Variants in XRRA1 observed in about 807,000 individuals in gnomAD.
XRRA1 encodes X-ray radiation resistance-associated protein 1.
A neutral mutation model predicts 80.2 loss-of-function variants in XRRA1; 69 were observed. That is an observed-to-expected ratio of 0.86 (90% CI 0.71 to 1.05). The LOEUF (loss-of-function observed/expected upper bound fraction) is 1.05, where lower values mean the gene tolerates loss of function less well. Among genes scored for constraint, XRRA1 ranks in the 50% least tolerant of loss-of-function variants. The probability of loss-of-function intolerance (pLI) is 0.00; values close to 1 mark genes in which losing one functional copy is unlikely to be tolerated. For synonymous variants in XRRA1, 348 were observed against 389.9 expected (o/e 0.89, Z 1.27); for missense variants, 967 against 976.4 (o/e 0.99, Z 0.13).
intron 10 of XRRA1, among the ~76,000 whole-genome samples, chr11:74,867,981 GTGCGATCT>G (rs2043852257): frequency 7.3e-6 from 1 of 136,434 alleles, no homozygotes; most frequent in Admixed American, 8.2e-5. Context: ...GAGTACAATG[GTGCGATCT>G]TGGTTCACTG....
At chr11:74,868,547 G>A (rs1425668892) in intron 10 of XRRA1, among the ~76,000 whole-genome samples, 1 of 152,104 alleles carries the variant, frequency 6.6e-6, no homozygotes, top group Non-Finnish European at 1.5e-5. Flanking sequence ...GGCACAGAGT[G>A]ATCAGTTGAA....
rs561013497 is a variant in XRRA1, at chr11:74,843,045, C to G, written c.*155G>C. Reference sequence around the variant, plus strand: ...CTGGGCCAAGGAGGGGAGATCCTGACAAGGGGATGCCACCTTGTGGCCAGC... The same window carrying G: ...CTGGGCCAAGGAGGGGAGATCCTGAGAAGGGGATGCCACCTTGTGGCCAGC... On this transcript the variant is annotated 3_prime_UTR_variant, in exon 19 of 19. Transcript: ENST00000684022. 5.6e-6 allele frequency: 6 copies of G among 1,067,976 alleles called. No individual in the cohort carries two copies. Among genetic ancestry groups the G allele is most frequent in the Middle Eastern group, 3.1e-4 (1 of 3,194 alleles). The allele number at this position is 1,067,976 out of a possible 1,614,324, so 66.2% of individuals were successfully genotyped here. A position where few individuals can be genotyped will look rare whatever the true frequency, so the allele number is the denominator to read the frequency against.
Position 74,927,384 on chromosome 11 carries a change from A to T in XRRA1, c.522+7T>A. On this transcript the variant is annotated splice_region_variant and intron_variant, in intron 7 of 18. Transcript: ENST00000684022. The stretch of plus-strand genomic sequence containing the variant: ...TGGGCACCAAAAACTCCCTACCTCC[A>T]ACTTACTTCTAATAACTTAAAGTCT... The T allele has an allele frequency of 6.3e-7, 1 of 1,587,168 alleles. No homozygotes were observed. The highest frequency in any genetic ancestry group is 1.1e-5 in the South Asian group (1 of 90,374).
At chr11:74,902,415 G>GTA (rs1591249510) in intron 10 of XRRA1, among the ~76,000 whole-genome samples, 1 of 152,144 alleles carries the variant, frequency 6.6e-6, no homozygotes, top group East Asian at 1.9e-4. Flanking sequence ...CCAATGCTGA[G>GTA]TATATACCCA....
At chr11:74,887,917 CA>C (rs2137084254) in intron 10 of XRRA1, among the ~76,000 whole-genome samples, 1 of 152,290 alleles carries the variant, frequency 6.6e-6, no homozygotes, top group African/African-American at 2.4e-5. Flanking sequence ...GTAAACAAGG[CA>C]GCCAGGAAGC....
At chr11:74,849,266 T>C (rs1220284579) in intron 14 of XRRA1, among the ~76,000 whole-genome samples, 1 of 152,200 alleles carries the variant, frequency 6.6e-6, no homozygotes, top group Non-Finnish European at 1.5e-5. Flanking sequence ...TAGAAAAATG[T>C]GGGCTAGAAT....
chr11:74,883,358 C>T (rs140023383), intron 10 of XRRA1, among the ~76,000 whole-genome samples: 1,748 of 152,310 alleles, frequency 0.011, 31 homozygotes, highest in African/African-American at 0.04. Context: ...CAATGCCTCG[C>T]CCTGCCTTGG....
chr11:74,899,185 A>T (rs190263130), intron 10 of XRRA1, among the ~76,000 whole-genome samples: 1 of 152,304 alleles, frequency 6.6e-6, no homozygotes, highest in African/African-American at 2.4e-5. Flanking sequence ...AGAAATTAAG[A>T]TGGAAATTTT....
chr11:74,930,330 T>C lies in XRRA1; in HGVS notation c.394A>G (p.Ile132Val). The C allele has an allele frequency of 6.4e-7, 1 of 1,570,600 alleles. No homozygotes were observed. The highest frequency in any genetic ancestry group is 1.2e-5 in the South Asian group (1 of 85,272). Reference sequence around the variant, plus strand: ...GGCAGCAGGTTTTCTGAGGCATTGATATAAATCACAGAATGAAAATGCTTG... The same window carrying C: ...GGCAGCAGGTTTTCTGAGGCATTGACATAAATCACAGAATGAAAATGCTTG... ...DFKHFHSVIY[I>V]NASENLLPLE... Residue 132 changes from isoleucine (I) to valine (V), a missense_variant, in exon 6 of 19, where the codon ATC becomes GTC. Coordinates refer to ENST00000684022, the MANE Select transcript of XRRA1 (RefSeq NM_001378157.1).
intron 18 of XRRA1, 76 bp from the exon 19 acceptor site, chr11:74,843,529 C>T: frequency 6.5e-7 from 1 of 1,528,664 alleles, no homozygotes; most frequent in East Asian, 2.4e-5. Context: ...GGATTGGGTC[C>T]AGAGACCCTT....
chr11:74,890,671 A>G (rs1477603423), intron 10 of XRRA1, among the ~76,000 whole-genome samples: 1 of 146,008 alleles, frequency 6.8e-6, no homozygotes. Context: ...CTAATAAAGA[A>G]GAAAAGAGAG....
chr11:74,884,016 T>C (rs1357276232), intron 10 of XRRA1, among the ~76,000 whole-genome samples: 1 of 152,086 alleles, frequency 6.6e-6, no homozygotes, highest in Non-Finnish European at 1.5e-5. Flanking sequence ...TGGGCTAACA[T>C]GGTGAAACCC....
rs1018543763 is a variant in XRRA1, at chr11:74,841,087, T to G, written c.*2113A>C. On this transcript the variant is annotated 3_prime_UTR_variant, in exon 19 of 19. Transcript: ENST00000684022. ...GAATGTGGAATCTTGGAAAGTGATA[T>G]ATTTTGATTGGAATAATTTTAATTA... is the stretch of plus-strand genomic sequence containing the variant. 1 of 152,152 alleles carries G rather than the reference T, an allele frequency of 6.6e-6. No homozygotes were observed. Among genetic ancestry groups the G allele is most frequent in the Non-Finnish European group, 1.5e-5 (1 of 68,030 alleles). 9.4% of individuals were successfully genotyped at this position (152,152 alleles called of 1,614,324 possible).
intron 10 of XRRA1, among the ~76,000 whole-genome samples, chr11:74,900,852 C>A (rs2053456690): frequency 6.6e-6 from 1 of 152,188 alleles, no homozygotes; most frequent in Non-Finnish European, 1.5e-5. Flanking sequence ...TAGTATCGTA[C>A]TAAATGGGGA....
At chr11:74,933,742 C>G in intron 5 of XRRA1, 59 bp downstream of exon 5, 1 of 1,498,842 alleles carries the variant, frequency 6.7e-7, no homozygotes. Flanking sequence ...ACCACAACAG[C>G]CAGGTGCGCC....
chr11:74,875,872 AAAT>A (rs1313509622), intron 10 of XRRA1, among the ~76,000 whole-genome samples: 2 of 152,182 alleles, frequency 1.3e-5, no homozygotes, highest in African/African-American at 2.4e-5. Context: ...CTGTGTCTCA[AAAT>A]AATAATAATC....
intron 5 of XRRA1, 97 bp from the exon 6 acceptor site, chr11:74,930,469 A>G: frequency 1.1e-6 from 1 of 918,868 alleles, no homozygotes; most frequent in Non-Finnish European, 1.6e-6. Context: ...CAGAAGAAAC[A>G]AAGACCTAAA....
intron 10 of XRRA1, among the ~76,000 whole-genome samples, chr11:74,903,576 G>A (rs1035226782): frequency 2.0e-5 from 3 of 152,120 alleles, no homozygotes; most frequent in South Asian, 2.1e-4. Context: ...GGTGGCGGGC[G>A]CTTGTAGTCC....
At position 74,906,472 on chromosome 11, in the gene XRRA1, G is replaced by C; in HGVS notation, c.786-16C>G. On this transcript the variant is annotated splice_polypyrimidine_tract_variant and intron_variant, in intron 9 of 18. Transcript: ENST00000684022. ...CTTCTTCAGTCTTCAATTAAGGAAA[G>C]TGAATATAGAATCATAGCAATAATG... The C allele has an allele frequency of 6.2e-7, 1 of 1,612,594 alleles. No individual in the cohort carries two copies. Among genetic ancestry groups the C allele is most frequent in the Non-Finnish European group, 8.5e-7 (1 of 1,179,224 alleles).
Sources: allele counts gnomAD v4.1 joint callset (sites outside exome capture counted in the v4.1 genomes callset), GRCh38; gene constraint gnomAD v4.1.1; transcripts MANE v1.5; gene names NCBI Gene and HGNC (gene_info 2026-07-23, HGNC 2026-07-21).